Variants in MECOM observed in about 807,000 individuals in gnomAD.
The protein encoded by MECOM is MDS1 and EVI1 complex locus.
A neutral mutation model predicts 116.3 loss-of-function variants in MECOM; 13 were observed. The ratio of observed to expected loss-of-function variants is 0.11; its 90% CI spans 0.07 to 0.18. The LOEUF is 0.18. MECOM is among the 10% of genes least tolerant of loss of function. The pLI, the probability that MECOM is intolerant of heterozygous loss-of-function variation, is 1.00. For synonymous variants in MECOM, 528 were observed against 535.2 expected (o/e 0.99, Z 0.19); for missense variants, 1,299 against 1,509.0 (o/e 0.86, Z 2.31).
intron 1 of MECOM, among the ~76,000 whole-genome samples, chr3:169,484,335 G>A (rs1158366721): frequency 2.0e-5 from 3 of 152,074 alleles, no homozygotes; most frequent in Non-Finnish European, 4.4e-5. Flanking sequence ...ATATTGGTTA[G>A]AAGAATTGAG....
intron 1 of MECOM, among the ~76,000 whole-genome samples, chr3:169,532,130 C>T (rs57927080): frequency 0.05 from 7,646 of 152,256 alleles, 395 homozygotes; most frequent in East Asian, 0.3. Flanking sequence ...TTTCCCTAGA[C>T]CAGTGTTACC....
intron 3 of MECOM, chr3:169,131,989 G>A (rs951376337): frequency 5.0e-6 from 5 of 992,664 alleles, no homozygotes; most frequent in Non-Finnish European, 6.0e-6. Flanking sequence ...TCTCAACAAC[G>A]TGTTTGGAAG....
intron 1 of MECOM, among the ~76,000 whole-genome samples, chr3:169,489,452 G>A (rs1364994929): frequency 6.6e-6 from 1 of 152,162 alleles, no homozygotes; most frequent in Non-Finnish European, 1.5e-5. Context: ...CAATCTTGAG[G>A]AAGAGAAAGA....
chr3:169,118,034 T>G (rs1168791219), intron 7 of MECOM, among the ~76,000 whole-genome samples: 1 of 152,182 alleles, frequency 6.6e-6, no homozygotes, highest in Non-Finnish European at 1.5e-5. Context: ...CAACAGTTAT[T>G]GCTTTCATAT....
intron 1 of MECOM, among the ~76,000 whole-genome samples, chr3:169,591,656 A>T (rs1014385026): frequency 6.6e-6 from 1 of 150,572 alleles, no homozygotes; most frequent in Non-Finnish European, 1.5e-5. Context: ...CACCTATTTC[A>T]CTTGAATGAC....
At chr3:169,220,974 C>T (rs985278846) in intron 2 of MECOM, among the ~76,000 whole-genome samples, 3 of 152,008 alleles carry the variant, frequency 2.0e-5, no homozygotes, top group Non-Finnish European at 4.4e-5. Context: ...GGAAGAAAAT[C>T]GAAGAAGAAG....
chr3:169,100,941 T>C lies in MECOM; in HGVS notation c.2793A>G (p.Pro931=). The C allele has an allele frequency of 6.2e-7, 1 of 1,608,728 alleles. No individual in the cohort carries two copies. Among genetic ancestry groups the C allele is most frequent in the African/African-American group, 1.3e-5 (1 of 74,960 alleles). Residue 931 remains proline, a synonymous_variant, in exon 12 of 17, where the codon CCA becomes CCG. Transcript: ENST00000651503. ...YTCRYCGKIF[P]RSANLTRHLR... is the part of the protein sequence containing the mutation. ...AGTGCCGTGTTAGGTTTGCAGACCTTGGAAAAATCTTGCCACAGTATCTGT... is the reference window on the plus strand; with the variant it reads ...AGTGCCGTGTTAGGTTTGCAGACCTCGGAAAAATCTTGCCACAGTATCTGT...
chr3:169,536,857 A>G (rs1759431012), intron 1 of MECOM, among the ~76,000 whole-genome samples: 1 of 152,136 alleles, frequency 6.6e-6, no homozygotes, highest in Non-Finnish European at 1.5e-5. Flanking sequence ...CCTGTAATTG[A>G]TTTTTCTAAC....
At chr3:169,450,606 A>C (rs1041422908) in intron 1 of MECOM, among the ~76,000 whole-genome samples, 1 of 152,176 alleles carries the variant, frequency 6.6e-6, no homozygotes, top group African/African-American at 2.4e-5. Context: ...GATGACAAAA[A>C]AGAGGCCAGA....
rs200409389 is a variant in MECOM at position 169,330,721 on chromosome 3, C to CA, written c.375+50465dup. Among the ~76,000 whole-genome samples the CA allele has an allele frequency of 2.8e-3, 411 of 147,378 alleles. 3 individuals carry two copies. Among genetic ancestry groups the CA allele is most frequent in the African/African-American group, 9.6e-3 (385 of 40,246 alleles). On this transcript the variant is annotated intron_variant, in intron 2 of 16. Transcript: ENST00000651503. ...TTTCCTCTTGATTTTGACCTTTTTC[C>CA]AAAAAAAAATAAATGTAATCTGTAG...
chr3:169,509,046 G>C (rs7631763), intron 1 of MECOM, among the ~76,000 whole-genome samples: 78,664 of 152,070 alleles, frequency 0.52, 21,715 homozygotes, highest in African/African-American at 0.73. Flanking sequence ...AAGGAACAAT[G>C]ACTAAACTCT....
chr3:169,291,728 TCTAGGCAGTGCATACATG>T (rs1714590991), intron 2 of MECOM, among the ~76,000 whole-genome samples: 2 of 152,350 alleles, frequency 1.3e-5, no homozygotes, highest in South Asian at 4.1e-4. Flanking sequence ...GAAATGTTTT[TCTAGGCAGTGCATACATG>T]CTGATCCAAT....
intron 1 of MECOM, among the ~76,000 whole-genome samples, chr3:169,388,836 A>G (rs917164476): frequency 6.6e-6 from 1 of 152,156 alleles, no homozygotes. Flanking sequence ...TTGCACTTTT[A>G]GTATTTGCTA....
intron 2 of MECOM, among the ~76,000 whole-genome samples, chr3:169,294,214 T>C (rs1371105371): frequency 2.0e-5 from 3 of 152,216 alleles, no homozygotes; most frequent in Admixed American, 6.5e-5. Context: ...TTCTGTAATG[T>C]AGAATAGTTA....
intron 1 of MECOM, among the ~76,000 whole-genome samples, chr3:169,413,967 A>C (rs1194503460): frequency 2.0e-5 from 3 of 152,254 alleles, no homozygotes; most frequent in Non-Finnish European, 4.4e-5. Flanking sequence ...CAGCTTCAGC[A>C]GACTTAAATG....
intron 1 of MECOM, among the ~76,000 whole-genome samples, chr3:169,523,644 G>A (rs1757616272): frequency 6.6e-6 from 1 of 151,976 alleles, no homozygotes; most frequent in African/African-American, 2.4e-5. Context: ...AACTTCTTTA[G>A]GCTGTTTATT....
chr3:169,656,481 T>TA (rs960859207), intron 1 of MECOM, among the ~76,000 whole-genome samples: 12 of 152,304 alleles, frequency 7.9e-5, no homozygotes, highest in Admixed American at 7.8e-4. Flanking sequence ...GGAATTTGAT[T>TA]AAAAATTCAG....
intron 1 of MECOM, among the ~76,000 whole-genome samples, chr3:169,433,689 G>A (rs1003684157): frequency 1.4e-4 from 14 of 96,852 alleles, no homozygotes; most frequent in African/African-American, 4.5e-4. Context: ...AAGAAAGAAA[G>A]AGAAAGAAAG....
chr3:169,083,565 A>G lies in MECOM; in HGVS notation c.*1344T>C, dbSNP rs774960722. Reference sequence around the variant, plus strand: ...CTCCCATAGTAATGCACTGAAAGGCATAACAGTTTATATTGTACAAAGCAT... The same window carrying G: ...CTCCCATAGTAATGCACTGAAAGGCGTAACAGTTTATATTGTACAAAGCAT... On this transcript the variant is annotated 3_prime_UTR_variant, in exon 17 of 17. Coordinates refer to ENST00000651503, the MANE Select transcript of MECOM (RefSeq NM_004991.4). 2 of 187,602 alleles carry G rather than the reference A, an allele frequency of 1.1e-5. No individual in the cohort carries two copies. The highest frequency in any genetic ancestry group is 2.0e-4 in the South Asian group (1 of 5,118). The allele number at this position is 187,602 out of a possible 1,614,324, so 11.6% of individuals were successfully genotyped here.
Sources: allele counts gnomAD v4.1 joint callset (sites outside exome capture counted in the v4.1 genomes callset), GRCh38; gene constraint gnomAD v4.1.1; transcripts MANE v1.5; gene names NCBI Gene and HGNC (gene_info 2026-07-23, HGNC 2026-07-21).